Variants in PVT1 observed in about 807,000 individuals in gnomAD.
The protein encoded by PVT1 is Pvt1 oncogene, also known as CXCR4/PVT1 fusion.
At chr8:127,960,009 G>A (rs1295926888) in intron 3 of PVT1, among the ~76,000 whole-genome samples, 1 of 152,190 alleles carries the variant, frequency 6.6e-6, no homozygotes, top group Non-Finnish European at 1.5e-5. Context: ...TGTGATTCCT[G>A]GAAGGGGTCT....
Position 127,973,690 on chromosome 8 carries a change from A to AG in PVT1, n.783-15472_783-15471insG, listed in dbSNP as rs1469869904. Among the ~76,000 whole-genome samples, 11 of 151,556 alleles carry AG rather than the reference A, an allele frequency of 7.3e-5. No individual in the cohort carries two copies. The South Asian group carries it at 2.1e-3, about 29-fold the overall frequency. ...CCAAGTTGCCTTTTTGAAAAAAAAAAAAAGAAGGCCAAACACGGTGGCTCA... is the reference window on the plus strand; with the variant it reads ...CCAAGTTGCCTTTTTGAAAAAAAAAAGAAAGAAGGCCAAACACGGTGGCTCA... On this transcript the variant is annotated intron_variant and non_coding_transcript_variant, in intron 3 of 10. Coordinates refer to ENST00000651587, the Ensembl canonical transcript of PVT1.
chr8:128,015,058 T>G (rs916121197), intron 4 of PVT1, among the ~76,000 whole-genome samples: 10 of 113,374 alleles, frequency 8.8e-5, no homozygotes, highest in African/African-American at 1.2e-4. Context: ...GAAATAGATT[T>G]ATTTATTTAT....
chr8:127,871,188 G>A (rs924715606), intron 2 of PVT1, among the ~76,000 whole-genome samples: 1 of 152,166 alleles, frequency 6.6e-6, no homozygotes, highest in African/African-American at 2.4e-5. Flanking sequence ...GCCTCTCCAG[G>A]GAGCACCAGG....
At chr8:127,908,520 T>G (rs966215761) in intron 3 of PVT1, among the ~76,000 whole-genome samples, 2 of 152,072 alleles carry the variant, frequency 1.3e-5, no homozygotes, top group African/African-American at 4.8e-5. Flanking sequence ...TTTTGTATTT[T>G]TAGTAAAGAC....
At chr8:127,829,512 C>T (rs558896326) in intron 2 of PVT1, among the ~76,000 whole-genome samples, 1 of 152,280 alleles carries the variant, frequency 6.6e-6, no homozygotes, top group South Asian at 2.1e-4. Flanking sequence ...TCAGGTGTTG[C>T]TTCTCTGGCC....
intron 3 of PVT1, among the ~76,000 whole-genome samples, chr8:127,895,578 A>G (rs1245084947): frequency 6.6e-6 from 1 of 152,232 alleles, no homozygotes; most frequent in African/African-American, 2.4e-5. Context: ...TGCCAGGCAT[A>G]TAATATGTAC....
intron 4 of PVT1, among the ~76,000 whole-genome samples, chr8:128,033,032 G>T (rs927756166): frequency 6.6e-6 from 1 of 152,226 alleles, no homozygotes; most frequent in African/African-American, 2.4e-5. Flanking sequence ...AAGGGTGCAG[G>T]TAGGGTGAAG....
intron 3 of PVT1, among the ~76,000 whole-genome samples, chr8:127,934,120 G>A (rs755763813): frequency 1.2e-4 from 19 of 152,142 alleles, no homozygotes; most frequent in Admixed American, 3.3e-4. Context: ...ATGGGCCATC[G>A]GCTAAGGTGA....
chr8:127,801,888 CATTA>C lies in PVT1; in HGVS notation n.372+5818_372+5821del, dbSNP rs1244715239. 5.6e-5 allele frequency among the ~76,000 whole-genome samples: 7 copies of C among 125,602 alleles called. No homozygotes were observed. The East Asian group carries it at 6.8e-4, about 12-fold the overall frequency. The allele number at this position is 125,602 out of a possible 152,430, so 82.4% of individuals were successfully genotyped here. ...ACTTAGTGAGAAGAGTAAGATATCT[CATTA>C]TTTATTTATTTATTTATTTATTTAT... On this transcript the variant is annotated intron_variant and non_coding_transcript_variant, in intron 2 of 10. Coordinates refer to ENST00000651587, the Ensembl canonical transcript of PVT1.
At chr8:128,081,567 G>T (rs563969624) in intron 5 of PVT1, among the ~76,000 whole-genome samples, 1 of 152,268 alleles carries the variant, frequency 6.6e-6, no homozygotes, top group South Asian at 2.1e-4. Context: ...TATTAGCCTT[G>T]CCTTCTGGCT....
chr8:127,942,605 T>C (rs1816366208), intron 3 of PVT1, among the ~76,000 whole-genome samples: 1 of 152,178 alleles, frequency 6.6e-6, no homozygotes. Context: ...AGGTCCACCA[T>C]GTACTGTTGA....
At chr8:127,864,809 A>C (rs1815269676) in intron 2 of PVT1, among the ~76,000 whole-genome samples, 1 of 152,032 alleles carries the variant, frequency 6.6e-6, no homozygotes, top group South Asian at 2.1e-4. Flanking sequence ...CAGCCTCCCA[A>C]AGTGCTGGGA....
chr8:127,943,826 G>T (rs1428527864), intron 3 of PVT1, among the ~76,000 whole-genome samples: 2 of 152,200 alleles, frequency 1.3e-5, no homozygotes, highest in Non-Finnish European at 2.9e-5. Flanking sequence ...TTAGGGAAAA[G>T]AAAACTGAGT....
chr8:127,841,569 C>T (rs1830172445), intron 2 of PVT1, among the ~76,000 whole-genome samples: 1 of 151,890 alleles, frequency 6.6e-6, no homozygotes. Context: ...CTTATTAGCT[C>T]CATTTTATAG....
chr8:127,953,249 C>T (rs1019109826), intron 3 of PVT1, among the ~76,000 whole-genome samples: 1 of 152,136 alleles, frequency 6.6e-6, no homozygotes, highest in African/African-American at 2.4e-5. Flanking sequence ...AGTATCTTGG[C>T]CCCGATCTGC....
intron 2 of PVT1, among the ~76,000 whole-genome samples, chr8:127,890,175 C>A (rs1161308797): frequency 6.6e-6 from 1 of 152,222 alleles, no homozygotes; most frequent in Non-Finnish European, 1.5e-5. Context: ...CTACTTCCTA[C>A]CAGCTGACCC....
At chr8:127,978,472 ATTATTATTAT>A (rs1260963264) in intron 3 of PVT1, among the ~76,000 whole-genome samples, 1 of 149,802 alleles carries the variant, frequency 6.7e-6, no homozygotes, top group Non-Finnish European at 1.5e-5. Context: ...GTTTTTGTTT[ATTATTATTAT>A]TTATTATTAT....
chr8:128,029,807 A>G (rs989560546), intron 4 of PVT1, among the ~76,000 whole-genome samples: 8 of 152,154 alleles, frequency 5.3e-5, no homozygotes, highest in Non-Finnish European at 1.0e-4. Flanking sequence ...TCAAAAACAA[A>G]CAAACAAAAA....
At chr8:128,027,890 G>T (rs527991117) in intron 4 of PVT1, among the ~76,000 whole-genome samples, 1 of 152,190 alleles carries the variant, frequency 6.6e-6, no homozygotes, top group Non-Finnish European at 1.5e-5. Flanking sequence ...TCCTGCCAAG[G>T]CACAGCCTTC....
Sources: allele counts gnomAD v4.1 joint callset (sites outside exome capture counted in the v4.1 genomes callset), GRCh38; gene constraint gnomAD v4.1.1; transcripts MANE v1.5; gene names NCBI Gene and HGNC (gene_info 2026-07-23, HGNC 2026-07-21).